The following AGO3 variants were observed in gnomAD, a reference collection of about 807,000 sequenced individuals.
AGO3 encodes the protein argonaute RISC catalytic component 3, also known as protein argonaute-3.
AGO3 carries 16 observed loss-of-function variants against 105.5 expected under a neutral mutation model. The ratio of observed to expected loss-of-function variants is 0.15; its 90% confidence interval spans 0.10 to 0.23. The LOEUF (loss-of-function observed/expected upper bound fraction) is 0.23, where lower values mean the gene tolerates loss of function less well. Ranked by LOEUF, AGO3 falls within the 10% of genes least tolerant of loss-of-function variation. AGO3 has a pLI of 1.00. For synonymous variants in AGO3, 340 were observed against 367.3 expected, an observed-to-expected ratio of 0.93 and a Z score of 0.85; for missense variants, 534 against 1,088.0, an observed-to-expected ratio of 0.49 and a Z score of 7.16.
Position 36,008,908 on chromosome 1 carries a change from A to G in AGO3, c.893A>G (p.Gln298Arg). The change falls in exon 8 of 19, where the codon CAG becomes CGG. Residue 298 changes from glutamine to arginine, a missense_variant. Gln to Arg is a conservative substitution (Grantham distance 43). Coordinates refer to ENST00000373191, the MANE Select transcript of AGO3 (RefSeq NM_024852.4). The surrounding 1 kb of genome is among the most constrained non-coding windows in gnomAD (Gnocchi z 5.1). ...RPASHQTFPL[Q>R]LENGQTVERT... Reference sequence around the variant, plus strand: ...TTTTTTTTCCTCAGCTTTCCTTTACAGTTAGAAAACGGCCAAACTGTGGAG... The same window carrying G: ...TTTTTTTTCCTCAGCTTTCCTTTACGGTTAGAAAACGGCCAAACTGTGGAG... 6.2e-7 allele frequency: 1 copy of G among 1,613,892 alleles called. No homozygotes were observed. Among genetic ancestry groups the G allele is most frequent in the East Asian group, 2.2e-5 (1 of 44,796 alleles).
At chr1:36,053,863 C>T (rs1642822227) in intron 17 of AGO3, among the ~76,000 whole-genome samples, 1 of 151,712 alleles carries the variant, frequency 6.6e-6, no homozygotes, top group Admixed American at 6.6e-5. Context: ...ATTCTCCTGC[C>T]TCAGCCTCCT....
rs946778516 is a variant in AGO3, at chr1:36,062,582, A to G, written c.*6837A>G. On this transcript the variant is annotated 3_prime_UTR_variant, in exon 19 of 19. Coordinates refer to ENST00000373191, the MANE Select transcript of AGO3 (RefSeq NM_024852.4). ...TGCAAATTGTGCTTAAGGGGAAATA[A>G]GCAAAAGAAAGGAAAATAGTAGAAC... is the stretch of plus-strand genomic sequence containing the variant. 3.9e-5 allele frequency: 6 copies of G among 152,226 alleles called. No individual in the cohort carries two copies. The highest frequency in any genetic ancestry group is 1.4e-4 in the African/African-American group (6 of 41,450). The allele number at this position is 152,226 out of a possible 1,614,324, so 9.4% of individuals were successfully genotyped here. A position where few individuals can be genotyped will look rare whatever the true frequency, so the allele number is the denominator to read the frequency against.
chr1:35,981,672 C>T (rs1647055397), intron 5 of AGO3, among the ~76,000 whole-genome samples: 1 of 152,180 alleles, frequency 6.6e-6, no homozygotes, highest in Non-Finnish European at 1.5e-5. Context: ...AAGAGCATGC[C>T]TCACTTGTAA....
At chr1:36,017,692 C>G (rs1640976821) in intron 11 of AGO3, among the ~76,000 whole-genome samples, 1 of 152,052 alleles carries the variant, frequency 6.6e-6, no homozygotes, top group South Asian at 2.1e-4. Context: ...TGCTTGAGCT[C>G]AGGAGTTCAA....
chr1:35,949,172 A>G (rs534602988), intron 2 of AGO3, among the ~76,000 whole-genome samples: 9 of 152,148 alleles, frequency 5.9e-5, no homozygotes, highest in African/African-American at 2.2e-4. Context: ...CGAATTCCCA[A>G]CCTCAGGTGA....
chr1:36,023,431 C>G (rs1447622905), intron 11 of AGO3, among the ~76,000 whole-genome samples: 1 of 152,208 alleles, frequency 6.6e-6, no homozygotes, highest in East Asian at 1.9e-4. Flanking sequence ...CAGTGATTCA[C>G]AAATCAGGCA....
Position 35,941,334 on chromosome 1 carries a change from A to C in AGO3, c.20-4358A>C, listed in dbSNP as rs76910835. ...TTATCTTTCACCTAGACAGCCACAT[A>C]GTCTGCTGACTGGTCTCCCTGCTTG... On this transcript the variant is annotated intron_variant, in intron 1 of 18. Coordinates refer to ENST00000373191, the MANE Select transcript of AGO3 (RefSeq NM_024852.4). Among the ~76,000 whole-genome samples the C allele has an allele frequency of 6.7e-3, 1,013 of 152,148 alleles. 8 individuals are homozygous for C. Among genetic ancestry groups the C allele is most frequent in the African/African-American group, 0.023 (961 of 41,512 alleles).
At position 36,002,264 on chromosome 1, in the gene AGO3, C is replaced by T. The variant is rs1001826263; in HGVS notation, c.659-2077C>T. ...TTGAACTAATTTCAAGTGATCAATG[C>T]ACCTTGGGCTCCCAAACTGCTGGGA... On this transcript the variant is annotated intron_variant, in intron 5 of 18. Transcript: ENST00000373191. Among the ~76,000 whole-genome samples, 21 of 150,816 alleles carry T rather than the reference C, an allele frequency of 1.4e-4. No individual in the cohort carries two copies. In the East Asian group the frequency reaches 2.4e-3, roughly 17 times the overall value.
chr1:36,020,474 T>A (rs1270768465), intron 11 of AGO3, among the ~76,000 whole-genome samples: 2 of 152,190 alleles, frequency 1.3e-5, no homozygotes, highest in African/African-American at 4.8e-5. Flanking sequence ...GTCCAAACGA[T>A]ATGATCCTAA....
chr1:36,034,434 T>A (rs888621127), intron 13 of AGO3, 101 bp downstream of exon 13: 11 of 790,418 alleles, frequency 1.4e-5, no homozygotes, highest in African/African-American at 1.8e-5. Context: ...AGAGACCCCC[T>A]TAATAATTCC....
At chr1:36,011,410 T>A (rs1640607328) in intron 9 of AGO3, among the ~76,000 whole-genome samples, 1 of 152,150 alleles carries the variant, frequency 6.6e-6, no homozygotes, top group African/African-American at 2.4e-5. Context: ...TATTACATGA[T>A]ATTTAATTAG....
At chr1:36,002,561 A>C (rs1011385598) in intron 5 of AGO3, among the ~76,000 whole-genome samples, 10 of 151,934 alleles carry the variant, frequency 6.6e-5, no homozygotes, top group Middle Eastern at 3.4e-3. Context: ...TGAACTCCTG[A>C]GCTCAGGCAG....
chr1:35,931,595 C>T (rs1646049908), intron 1 of AGO3, 150 bp downstream of exon 1: 3 of 897,424 alleles, frequency 3.3e-6, no homozygotes, highest in Non-Finnish European at 3.0e-6. Context: ...CCTCCGCGAC[C>T]TCCCCGCAGC....
chr1:36,046,168 G>A (rs1174678169), intron 17 of AGO3, among the ~76,000 whole-genome samples: 3 of 152,140 alleles, frequency 2.0e-5, no homozygotes, highest in Admixed American at 6.5e-5. Context: ...CTCCCAACCC[G>A]AGAAAAGGAG....
chr1:35,952,531 G>T (rs892119990), intron 2 of AGO3, among the ~76,000 whole-genome samples: 6 of 152,116 alleles, frequency 3.9e-5, no homozygotes, highest in African/African-American at 1.4e-4. Flanking sequence ...CATTCATGTT[G>T]TAGCATGTAT....
At position 36,008,916 on chromosome 1, in the gene AGO3, A is replaced by T; in HGVS notation, c.901A>T (p.Asn301Tyr). Residue 301 changes from asparagine to tyrosine, a missense_variant, in exon 8 of 19, where the codon AAC becomes TAC. By Grantham distance (143) the Asn-to-Tyr change is moderately radical. Coordinates refer to ENST00000373191, the MANE Select transcript of AGO3 (RefSeq NM_024852.4). The surrounding 1 kb of genome is among the most constrained non-coding windows in gnomAD (Gnocchi z 5.1). ...CCTCAGCTTTCCTTTACAGTTAGAA[A>T]ACGGCCAAACTGTGGAGAGAACAGT... ...SHQTFPLQLENGQTVERTVAQ... is the reference protein window; with the variant it reads ...SHQTFPLQLEYGQTVERTVAQ... The T allele has an allele frequency of 6.2e-7, 1 of 1,613,900 alleles. No individual in the cohort carries two copies. The highest frequency in any genetic ancestry group is 8.5e-7 in the Non-Finnish European group (1 of 1,180,024).
At chr1:35,957,609 C>G (rs764310077) in intron 2 of AGO3, among the ~76,000 whole-genome samples, 1 of 150,470 alleles carries the variant, frequency 6.6e-6, no homozygotes, top group Admixed American at 6.6e-5. Context: ...GCTTGTAATC[C>G]CAGCTACTCG....
chr1:35,935,112 T>TA (rs1427264237), intron 1 of AGO3, among the ~76,000 whole-genome samples: 7 of 152,054 alleles, frequency 4.6e-5, no homozygotes, highest in Admixed American at 6.5e-5. Context: ...CATTATGACT[T>TA]AAAAAAAATA....
intron 9 of AGO3, among the ~76,000 whole-genome samples, chr1:36,011,360 T>A (rs924174828): frequency 6.6e-6 from 1 of 152,206 alleles, no homozygotes; most frequent in African/African-American, 2.4e-5. Flanking sequence ...AATACTTTTT[T>A]TTTTCCTTAT....
Sources: allele counts gnomAD v4.1 joint callset (sites outside exome capture counted in the v4.1 genomes callset), GRCh38; gene constraint gnomAD v4.1.1; non-coding constraint Gnocchi (gnomAD v3.1); transcripts MANE v1.5; gene names NCBI Gene and HGNC (gene_info 2026-07-23, HGNC 2026-07-21).